Variants in THSD4 observed in about 807,000 individuals in gnomAD.
The protein encoded by THSD4 is thrombospondin type-1 domain-containing protein 4.
Under a neutral mutation model 119.0 loss-of-function variants are expected in THSD4, and 69 were observed. The ratio of observed to expected loss-of-function variants is 0.58; its 90% confidence interval spans 0.48 to 0.71. The LOEUF (loss-of-function observed/expected upper bound fraction) is 0.71. Ranked by LOEUF, THSD4 falls within the 30% of genes least tolerant of loss-of-function variation. The pLI, the probability that THSD4 is intolerant of heterozygous loss-of-function variation, is 0.00. For missense variants in THSD4, 1,393 were observed against 1,391.1 expected (o/e 1.00, Z -0.02); for synonymous variants, 524 against 540.4 (o/e 0.97, Z 0.42).
intron 7 of THSD4, among the ~76,000 whole-genome samples, chr15:71,644,433 G>A (rs1468522474): frequency 1.3e-5 from 2 of 151,984 alleles, no homozygotes; most frequent in Non-Finnish European, 2.9e-5. Flanking sequence ...ATCCACTTCA[G>A]TTTGTATAAA....
rs189248663 is a variant in THSD4, at chr15:71,391,543, G to A, written c.1016-20144G>A. 5.9e-5 allele frequency among the ~76,000 whole-genome samples: 9 copies of A among 152,298 alleles called. No individual in the cohort carries two copies. The East Asian group carries it at 1.7e-3, about 29-fold the overall frequency. ...GCTTTTGCTACATATTTAAGGTGAA[G>A]TCAGGGAACTGAGTCTAGGGAAAAA... On this transcript the variant is annotated intron_variant, in intron 6 of 17. Transcript: ENST00000261862.
intron 6 of THSD4, among the ~76,000 whole-genome samples, chr15:71,334,163 A>G (rs991711523): frequency 1.3e-5 from 2 of 152,250 alleles, no homozygotes; most frequent in African/African-American, 4.8e-5. Context: ...ATCAGCAACC[A>G]TAACAGTCAT....
chr15:71,568,575 T>TTG (rs68022717), intron 7 of THSD4, among the ~76,000 whole-genome samples: 2 of 146,068 alleles, frequency 1.4e-5, no homozygotes, highest in Non-Finnish European at 3.0e-5. Context: ...TCTCTTTTTT[T>TTG]TTTTTTGTTT....
chr15:71,597,027 C>A (rs2049918516), intron 7 of THSD4, among the ~76,000 whole-genome samples: 1 of 152,198 alleles, frequency 6.6e-6, no homozygotes, highest in Non-Finnish European at 1.5e-5. Context: ...AACTAGATTT[C>A]ACTTTTTTCT....
intron 3 of THSD4, among the ~76,000 whole-genome samples, chr15:71,166,171 T>C (rs2043293181): frequency 6.6e-6 from 1 of 152,102 alleles, no homozygotes; most frequent in South Asian, 2.1e-4. Context: ...ATAGGGTACC[T>C]GATGAATTCA....
intron 3 of THSD4, among the ~76,000 whole-genome samples, chr15:71,199,892 TATGTGTGTGTGGTGCATGTGTGGG>T (rs2043782852): frequency 1.1e-4 from 4 of 37,640 alleles, no homozygotes; most frequent in Non-Finnish European, 1.2e-4. Flanking sequence ...GCATGTGTGG[TATGTGTGTGTGGTGCATGTGTGGG>T]GTGTGTGTGT....
chr15:71,579,282 C>T (rs553247970), intron 7 of THSD4, among the ~76,000 whole-genome samples: 9 of 152,252 alleles, frequency 5.9e-5, no homozygotes, highest in Admixed American at 2.6e-4. Context: ...CATGGTTGTA[C>T]AGTAGCTATT....
intron 6 of THSD4, among the ~76,000 whole-genome samples, chr15:71,345,251 G>A (rs2045639016): frequency 6.6e-6 from 1 of 152,026 alleles, no homozygotes; most frequent in South Asian, 2.1e-4. Flanking sequence ...TGAATAAGGA[G>A]GAGTTGTATA....
intron 1 of THSD4, among the ~76,000 whole-genome samples, chr15:71,124,804 A>T (rs1414727799): frequency 6.6e-6 from 1 of 152,138 alleles, no homozygotes; most frequent in East Asian, 1.9e-4. Context: ...GCACTTTGGG[A>T]GGCCGGGATG....
intron 3 of THSD4, among the ~76,000 whole-genome samples, chr15:71,212,029 A>G (rs1269040414): frequency 6.6e-6 from 1 of 152,166 alleles, no homozygotes; most frequent in Non-Finnish European, 1.5e-5. Flanking sequence ...GAACAGAAGA[A>G]GGGGAGAGGG....
At chr15:71,331,778 C>T (rs961077523) in intron 6 of THSD4, among the ~76,000 whole-genome samples, 1 of 152,122 alleles carries the variant, frequency 6.6e-6, no homozygotes, top group Admixed American at 6.5e-5. Flanking sequence ...TTTTGATTCA[C>T]AAATAGCTAA....
chr15:71,412,380 T>C (rs138080803), intron 7 of THSD4, among the ~76,000 whole-genome samples: 1,808 of 152,320 alleles, frequency 0.012, 26 homozygotes, highest in Non-Finnish European at 0.013. Context: ...CATTCTGGGC[T>C]TCAGAGAATC....
At chr15:71,748,053 T>C (rs1291164608) in intron 13 of THSD4, among the ~76,000 whole-genome samples, 1 of 152,094 alleles carries the variant, frequency 6.6e-6, no homozygotes, top group Non-Finnish European at 1.5e-5. Context: ...TCAGTGCTGG[T>C]CGGTTGTGTC....
At chr15:71,486,333 C>T (rs1442847223) in intron 7 of THSD4, among the ~76,000 whole-genome samples, 1 of 152,008 alleles carries the variant, frequency 6.6e-6, no homozygotes, top group Non-Finnish European at 1.5e-5. Context: ...CTTGTGGGAC[C>T]TTGGGAAAGT....
At chr15:71,753,247 C>T (rs2053482168) in intron 14 of THSD4, among the ~76,000 whole-genome samples, 1 of 152,122 alleles carries the variant, frequency 6.6e-6, no homozygotes. Context: ...TGGGCCTTAT[C>T]AGAAGTAAGC....
chr15:71,236,486 G>A (rs1217332914), intron 4 of THSD4, among the ~76,000 whole-genome samples: 1 of 152,190 alleles, frequency 6.6e-6, no homozygotes, highest in Non-Finnish European at 1.5e-5. Flanking sequence ...TGAGACTTCT[G>A]TTCCTACATA....
At chr15:71,741,492 C>CA (rs1262329299) in intron 11 of THSD4, among the ~76,000 whole-genome samples, 28 of 146,358 alleles carry the variant, frequency 1.9e-4, no homozygotes, top group South Asian at 6.5e-4. Flanking sequence ...GACTCCGTCT[C>CA]AAAACAAAAC....
At chr15:71,687,664 A>G (rs1341252677) in intron 8 of THSD4, among the ~76,000 whole-genome samples, 2 of 151,538 alleles carry the variant, frequency 1.3e-5, no homozygotes, top group East Asian at 3.9e-4. Flanking sequence ...CTGAGGCAGG[A>G]GAATTGCTTG....
intron 6 of THSD4, among the ~76,000 whole-genome samples, chr15:71,406,848 T>G (rs2046616385): frequency 6.6e-6 from 1 of 151,616 alleles, no homozygotes; most frequent in South Asian, 2.1e-4. Context: ...CCCGGCTAAT[T>G]TTTGTATTTT....
Sources: allele counts gnomAD v4.1 joint callset (sites outside exome capture counted in the v4.1 genomes callset), GRCh38; gene constraint gnomAD v4.1.1; transcripts MANE v1.5; gene names NCBI Gene and HGNC (gene_info 2026-07-23, HGNC 2026-07-21).